Variants in GSE1 observed in about 807,000 individuals in gnomAD.
The protein encoded by GSE1 is genetic suppressor element 1.
In GSE1, 32 loss-of-function variants were observed where a neutral mutation model predicts 112.6. The observed-to-expected ratio is 0.28, with a 90% CI of 0.21 to 0.38. The LOEUF (loss-of-function observed/expected upper bound fraction) is 0.38, where lower values mean the gene tolerates loss of function less well. Ranked by LOEUF, GSE1 falls within the 10% of genes least tolerant of loss-of-function variation. The probability of loss-of-function intolerance (pLI) is 1.00; values close to 1 mark genes in which losing one functional copy is unlikely to be tolerated. For synonymous variants in GSE1, 1,115 were observed against 735.6 expected, an observed-to-expected ratio of 1.52 and a Z score of -8.35; for missense variants, 2,348 against 1,699.2, an observed-to-expected ratio of 1.38 and a Z score of -6.71.
chr16:85,245,943 G>A (rs114225690), intron 1 of GSE1, among the ~76,000 whole-genome samples: 121 of 150,870 alleles, frequency 8.0e-4, no homozygotes, highest in African/African-American at 2.8e-3. Flanking sequence ...GCGTGTGTTA[G>A]TTGGGGAGCA....
At chr16:85,630,350 A>G (rs2049439184) in intron 1 of GSE1, among the ~76,000 whole-genome samples, 1 of 152,184 alleles carries the variant, frequency 6.6e-6, no homozygotes, top group South Asian at 2.1e-4. Context: ...CTTTATAGAC[A>G]TTCTTTTTAT....
intron 1 of GSE1, among the ~76,000 whole-genome samples, chr16:85,628,739 C>T (rs1307583302): frequency 6.6e-6 from 1 of 152,224 alleles, no homozygotes; most frequent in Non-Finnish European, 1.5e-5. Context: ...AAAATTAGAA[C>T]ATACAGAGAG....
At chr16:85,229,356 C>T (rs2075543404) in intron 1 of GSE1, among the ~76,000 whole-genome samples, 3 of 152,238 alleles carry the variant, frequency 2.0e-5, no homozygotes, top group African/African-American at 7.2e-5. Context: ...AGGCCGGGAG[C>T]GGGCTTGTGG....
chr16:85,670,959 A>G, intron 14 of GSE1, 36 bp from the exon 15 acceptor site: 1 of 1,328,430 alleles, frequency 7.5e-7, no homozygotes. Flanking sequence ...GGGCTCCTGC[A>G]TACGGAAAAT....
chr16:85,195,524 TAG>T (rs1474515324), intron 1 of GSE1, among the ~76,000 whole-genome samples: 1 of 152,226 alleles, frequency 6.6e-6, no homozygotes, highest in Non-Finnish European at 1.5e-5. Flanking sequence ...TCTCTGGATT[TAG>T]AGTCTTGGAG....
chr16:85,553,149 C>T (rs2045009778), upstream of GSE1, among the ~76,000 whole-genome samples: 3 of 151,782 alleles, frequency 2.0e-5, no homozygotes, highest in African/African-American at 7.2e-5. Flanking sequence ...CCGCCCCGCC[C>T]CCCAGGGGCA....
chr16:85,312,661 G>GT (rs2045886264), intron 1 of GSE1, among the ~76,000 whole-genome samples: 1 of 151,922 alleles, frequency 6.6e-6, no homozygotes, highest in South Asian at 2.1e-4. Context: ...GGTTTTGAGG[G>GT]GATGCTATTC....
chr16:85,321,889 G>T (rs924190025), intron 1 of GSE1, among the ~76,000 whole-genome samples: 1 of 152,140 alleles, frequency 6.6e-6, no homozygotes, highest in Non-Finnish European at 1.5e-5. Context: ...GGACACTGAG[G>T]CTCCTAGAAG....
chr16:85,662,963 C>G lies in GSE1; in HGVS notation c.2261-18C>G, dbSNP rs1030600965. 6.6e-7 allele frequency: 1 copy of G among 1,513,436 alleles called. No homozygotes were observed. The highest frequency in any genetic ancestry group is 1.4e-5 in the African/African-American group (1 of 72,496). The allele number at this position is 1,513,436 out of a possible 1,614,324, so 93.8% of individuals were successfully genotyped here. On this transcript the variant is annotated intron_variant, in intron 9 of 15. Transcript: ENST00000253458. ...TGAAGGCTCTTTGTCTGGCTGAATA[C>G]AACCATTTCTCCATCAGGGTACTAC...
intron 1 of GSE1, among the ~76,000 whole-genome samples, chr16:85,252,665 A>C (rs1906615137): frequency 6.6e-6 from 1 of 152,178 alleles, no homozygotes; most frequent in African/African-American, 2.4e-5. Context: ...GGAGGAGGAA[A>C]CTGAGGTCAT....
chr16:85,608,541 G>C (rs141118287), upstream of GSE1, among the ~76,000 whole-genome samples: 1 of 152,144 alleles, frequency 6.6e-6, no homozygotes, highest in Admixed American at 6.5e-5. Flanking sequence ...ACCCCTGCAG[G>C]TGTATCTTTC....
At chr16:85,435,481 G>C (rs2151768186) in intron 2 of GSE1, among the ~76,000 whole-genome samples, 1 of 152,316 alleles carries the variant, frequency 6.6e-6, no homozygotes, top group Non-Finnish European at 1.5e-5. Context: ...CTGTGCCCTA[G>C]ATCTGTCACA....
chr16:85,270,683 G>C (rs1330209779), intron 1 of GSE1, among the ~76,000 whole-genome samples: 1 of 132,542 alleles, frequency 7.5e-6, no homozygotes, highest in Non-Finnish European at 1.8e-5. Context: ...ACACACACGA[G>C]AGGGAGGAAA....
At chr16:85,172,522 C>G (rs1051373193) in intron 1 of GSE1, among the ~76,000 whole-genome samples, 2 of 152,234 alleles carry the variant, frequency 1.3e-5, no homozygotes, top group Non-Finnish European at 2.9e-5. Context: ...CGCGAGGAGC[C>G]AGACGGGGCT....
intron 1 of GSE1, among the ~76,000 whole-genome samples, chr16:85,286,830 G>A (rs955197986): frequency 2.0e-5 from 3 of 152,184 alleles, no homozygotes; most frequent in African/African-American, 7.2e-5. Flanking sequence ...TCTTCCCTGT[G>A]TAGGGATTAA....
intron 2 of GSE1, among the ~76,000 whole-genome samples, chr16:85,439,848 A>C (rs1414590585): frequency 6.6e-6 from 1 of 152,192 alleles, no homozygotes; most frequent in Non-Finnish European, 1.5e-5. Context: ...ACAGACACAT[A>C]AACTCACAGG....
intron 2 of GSE1, among the ~76,000 whole-genome samples, chr16:85,514,657 A>T (rs530616748): frequency 3.9e-5 from 6 of 152,274 alleles, no homozygotes; most frequent in African/African-American, 1.4e-4. Context: ...TGTCCCTGGG[A>T]AGGGCCTCTA....
chr16:85,482,299 C>T (rs1002123872), intron 2 of GSE1, among the ~76,000 whole-genome samples: 2 of 152,228 alleles, frequency 1.3e-5, no homozygotes, highest in Non-Finnish European at 2.9e-5. Flanking sequence ...CCAGTCCTGC[C>T]AGGTGAGAGA....
chr16:85,331,429 A>ATG (rs1466271004), intron 1 of GSE1, among the ~76,000 whole-genome samples: 1 of 138,828 alleles, frequency 7.2e-6, no homozygotes, highest in Non-Finnish European at 1.5e-5. Context: ...ATATGTATAT[A>ATG]TGTATATATA....
Sources: allele counts gnomAD v4.1 joint callset (sites outside exome capture counted in the v4.1 genomes callset), GRCh38; gene constraint gnomAD v4.1.1; transcripts MANE v1.5; gene names NCBI Gene and HGNC (gene_info 2026-07-23, HGNC 2026-07-21).